The following B4GALNT2 variants were observed in gnomAD, a reference collection of about 807,000 sequenced individuals.
The protein encoded by B4GALNT2 is beta-1,4-N-acetyl-galactosaminyltransferase 2 (SID blood group).
Under a neutral mutation model 51.1 loss-of-function variants are expected in B4GALNT2, and 42 were observed. That is an observed-to-expected ratio of 0.82 (90% confidence interval 0.64 to 1.06). The LOEUF (loss-of-function observed/expected upper bound fraction) is 1.06, where lower values mean the gene tolerates loss of function less well. B4GALNT2 is among the 50% of genes least tolerant of loss of function. The pLI is 0.00. For missense variants in B4GALNT2, 602 were observed against 633.6 expected (o/e 0.95, Z 0.54); for synonymous variants, 253 against 251.7 (o/e 1.01, Z -0.05).
At chr17:49,162,252 T>A (rs1376138973) in intron 7 of B4GALNT2, among the ~76,000 whole-genome samples, 1 of 152,190 alleles carries the variant, frequency 6.6e-6, no homozygotes, top group East Asian at 1.9e-4. Context: ...TAATTTTACT[T>A]AAGAGCATCT....
upstream of B4GALNT2, among the ~76,000 whole-genome samples, chr17:49,129,021 C>T (rs142293910): frequency 4.6e-4 from 70 of 152,228 alleles, 1 homozygote; most frequent in Middle Eastern, 0.027. Flanking sequence ...CTCTGAAGAC[C>T]GGGATGGCAG....
intron 4 of B4GALNT2, among the ~76,000 whole-genome samples, chr17:49,153,507 A>ATTTTT (rs569207630): frequency 6.9e-6 from 1 of 145,954 alleles, no homozygotes. Flanking sequence ...GCTTGATGTG[A>ATTTTT]TTTTTTTTTT....
In B4GALNT2 at chr17:49,170,855, T is replaced by C. The variant is rs2042953218; in HGVS notation, c.*1127T>C. The C allele has an allele frequency of 6.6e-6, 1 of 152,402 alleles. No homozygotes were observed. Among genetic ancestry groups the C allele is most frequent in the African/African-American group, 2.4e-5 (1 of 41,468 alleles). The allele number at this position is 152,402 out of a possible 1,614,324, so 9.4% of individuals were successfully genotyped here. On this transcript the variant is annotated 3_prime_UTR_variant, in exon 11 of 11. Transcript: ENST00000393354. ...ATAGATTATAGATAAACTAAAAGTATTCCTTACAGGAAACAAAGGGATGGG... is the reference window on the plus strand; with the variant it reads ...ATAGATTATAGATAAACTAAAAGTACTCCTTACAGGAAACAAAGGGATGGG...
intron 9 of B4GALNT2, among the ~76,000 whole-genome samples, chr17:49,167,137 CAG>C (rs1256632572): frequency 6.6e-6 from 1 of 150,428 alleles, no homozygotes. Context: ...TTACAGAGAC[CAG>C]ATCACGATAA....
intron 7 of B4GALNT2, among the ~76,000 whole-genome samples, chr17:49,162,847 A>C (rs975041839): frequency 1.6e-5 from 2 of 123,284 alleles, no homozygotes; most frequent in Non-Finnish European, 3.2e-5. Flanking sequence ...TGGGAGGTGG[A>C]GGTTGCAGTG....
At position 49,169,934 on chromosome 17, in the gene B4GALNT2, G is replaced by A. The variant is rs573733690; in HGVS notation, c.*206G>A. On this transcript the variant is annotated 3_prime_UTR_variant, in exon 11 of 11. Coordinates refer to ENST00000393354, the MANE Select transcript of B4GALNT2 (RefSeq NM_001159387.2). ...GTCACTGACCAGGGCAATGGAGACT[G>A]TATTAATAGCAATGATGATTTGTAC... 3 of 479,804 alleles carry A rather than the reference G, an allele frequency of 6.3e-6. No individual in the cohort carries two copies. Among genetic ancestry groups the A allele is most frequent in the East Asian group, 6.5e-5 (2 of 30,786 alleles). The allele number at this position is 479,804 out of a possible 1,614,324, so 29.7% of individuals were successfully genotyped here.
intron 3 of B4GALNT2, among the ~76,000 whole-genome samples, chr17:49,152,179 C>A (rs1451395940): frequency 6.6e-6 from 1 of 151,670 alleles, no homozygotes; most frequent in Non-Finnish European, 1.5e-5. Flanking sequence ...CGGTTGGAGA[C>A]CAGCCTGGGC....
chr17:49,132,939 G>C, intron 1 of B4GALNT2, 133 bp downstream of exon 1: 1 of 1,384,790 alleles, frequency 7.2e-7, no homozygotes, highest in Non-Finnish European at 9.3e-7. Flanking sequence ...GCGGGCGGTT[G>C]GAGTCTTAAG....
At chr17:49,162,133 G>A (rs751299074) in intron 7 of B4GALNT2, among the ~76,000 whole-genome samples, 11 of 151,356 alleles carry the variant, frequency 7.3e-5, no homozygotes, top group African/African-American at 9.7e-5. Context: ...GACTACAGGC[G>A]CCCGCCACCA....
At chr17:49,133,179 T>C in intron 1 of B4GALNT2, 1 of 1,512,842 alleles carries the variant, frequency 6.6e-7, no homozygotes, top group South Asian at 1.3e-5. Flanking sequence ...TGACCCAGCC[T>C]GGGGCCCGTT....
chr17:49,122,807 T>G, the B4GALNT2 span, among the ~76,000 whole-genome samples: 5 of 152,206 alleles, frequency 3.3e-5, no homozygotes, highest in African/African-American at 1.2e-4. Flanking sequence ...CTACAGTAAC[T>G]GAGATTCTCT....
rs9944526 is a variant in B4GALNT2, at chr17:49,159,365, G to A, written c.679+148G>A. The A allele has an allele frequency of 2.2e-3, 2,017 of 915,324 alleles. 17 individuals are homozygous for A. The African/African-American group carries it at 0.031, about 14-fold the overall frequency. The allele number at this position is 915,324 out of a possible 1,614,324, so 56.7% of individuals were successfully genotyped here. Reference sequence around the variant, plus strand: ...TTTGTTTTGTTTTGTTTTTTGAGACGGAGTCTCACTCTGTCACCCAGGCTG... The same window carrying A: ...TTTGTTTTGTTTTGTTTTTTGAGACAGAGTCTCACTCTGTCACCCAGGCTG... On this transcript the variant is annotated intron_variant, in intron 6 of 10. Transcript: ENST00000393354.
At chr17:49,165,305 ACT>A (rs1429111815) in intron 8 of B4GALNT2, among the ~76,000 whole-genome samples, 25 of 117,424 alleles carry the variant, frequency 2.1e-4, no homozygotes, top group Non-Finnish European at 3.8e-4. Context: ...CTCCCTCCCC[ACT>A]CTCTCTTTCT....
chr17:49,135,497 A>G (rs1771476428), intron 1 of B4GALNT2, among the ~76,000 whole-genome samples: 1 of 151,774 alleles, frequency 6.6e-6, no homozygotes, highest in South Asian at 2.1e-4. Context: ...TGATCTCATG[A>G]TCCACCCGCC....
chr17:49,136,656 T>TTTTTTTTTTTTTTTTGAG (rs2042593411), intron 1 of B4GALNT2, among the ~76,000 whole-genome samples: 1 of 152,000 alleles, frequency 6.6e-6, no homozygotes, highest in Non-Finnish European at 1.5e-5. Flanking sequence ...AAGTGATTCT[T>TTTTTTTTTTTTTTTTGAG]ATATCTCAGC....
chr17:49,142,014 C>G, intron 2 of B4GALNT2, 21 bp from the exon 3 acceptor site: 1 of 1,613,700 alleles, frequency 6.2e-7, no homozygotes, highest in Non-Finnish European at 8.5e-7. Flanking sequence ...TCCATGTTTA[C>G]AGTCCTCTTG....
At chr17:49,126,707 G>A in the B4GALNT2 span, among the ~76,000 whole-genome samples, 3 of 139,786 alleles carry the variant, frequency 2.1e-5, no homozygotes, top group African/African-American at 8.2e-5. Context: ...GCTGGAGTAC[G>A]TTGGTTATAT....
chr17:49,129,616 C>T (rs980077749), upstream of B4GALNT2, among the ~76,000 whole-genome samples: 2 of 99,708 alleles, frequency 2.0e-5, no homozygotes, highest in Non-Finnish European at 4.6e-5. Flanking sequence ...GGCTTCTGGC[C>T]GATTTTTTGG....
the B4GALNT2 span, among the ~76,000 whole-genome samples, chr17:49,125,679 G>C: frequency 4.1e-5 from 5 of 120,886 alleles, 1 homozygote; most frequent in Non-Finnish European, 9.0e-5. Flanking sequence ...TCCGCCCTGT[G>C]GCCGCCCCGT....
Sources: allele counts gnomAD v4.1 joint callset (sites outside exome capture counted in the v4.1 genomes callset), GRCh38; gene constraint gnomAD v4.1.1; transcripts MANE v1.5; gene names NCBI Gene and HGNC (gene_info 2026-07-23, HGNC 2026-07-21).